The following CAPG variants were observed in gnomAD, a reference collection of about 807,000 sequenced individuals.
CAPG encodes macrophage-capping protein.
Under a neutral mutation model 44.6 loss-of-function variants are expected in CAPG, and 32 were observed. The ratio of observed to expected loss-of-function variants is 0.72; its 90% CI spans 0.54 to 0.96. The LOEUF is 0.96. Among genes scored for constraint, CAPG ranks in the 50% least tolerant of loss-of-function variants. The probability of loss-of-function intolerance (pLI) is 0.00; values close to 1 mark genes in which losing one functional copy is unlikely to be tolerated. For synonymous variants in CAPG, 175 were observed against 179.6 expected (o/e 0.97, Z 0.20); for missense variants, 412 against 438.3 (o/e 0.94, Z 0.54).
chr2:85,409,531 C>T (rs899656239), intron 1 of CAPG, among the ~76,000 whole-genome samples: 3 of 152,096 alleles, frequency 2.0e-5, no homozygotes, highest in Non-Finnish European at 2.9e-5. Flanking sequence ...GGTCTCTTCC[C>T]TTCACAGTCC....
chr2:85,414,430 ATTTT>A (rs34698883), upstream of CAPG, among the ~76,000 whole-genome samples: 6 of 129,526 alleles, frequency 4.6e-5, no homozygotes, highest in Admixed American at 7.8e-5. Context: ...CAGAACTAAG[ATTTT>A]TTTTTTTTTT....
chr2:85,401,057 TG>T, intron 5 of CAPG, 107 bp downstream of exon 5: 1 of 1,035,224 alleles, frequency 9.7e-7, no homozygotes. Flanking sequence ...TCACTTGGAA[TG>T]GGTTTACGGC....
At chr2:85,401,741 C>G (rs549982416) in intron 3 of CAPG, 44 bp downstream of exon 3, 1 of 1,612,796 alleles carries the variant, frequency 6.2e-7, no homozygotes, top group Non-Finnish European at 8.5e-7. Flanking sequence ...AGCCCCCTCC[C>G]TCCCCTTCCT....
At position 85,398,155 on chromosome 2, in the gene CAPG, G is replaced by C. The variant is rs202201532; in HGVS notation, c.760-3C>G. ...ATCTGTCCAGTGGCATCAGAGACCT[G>C]GGGAGGAGGGACAGTGCCTGATCTC... On this transcript the variant is annotated splice_polypyrimidine_tract_variant and splice_region_variant and intron_variant, in intron 7 of 9. Transcript: ENST00000263867. 4.1e-5 allele frequency: 66 copies of C among 1,612,704 alleles called. No individual in the cohort carries two copies. Among genetic ancestry groups the C allele is most frequent in the Non-Finnish European group, 5.5e-5 (65 of 1,179,684 alleles).
At chr2:85,392,172 C>T (rs540641452), downstream of CAPG, among the ~76,000 whole-genome samples, 10 of 152,274 alleles carry the variant, frequency 6.6e-5, no homozygotes, top group East Asian at 1.9e-4. Context: ...GGGTGGATCA[C>T]GAGGTCAGGA....
At chr2:85,409,208 G>A (rs774977709) in intron 1 of CAPG, among the ~76,000 whole-genome samples, 6 of 152,182 alleles carry the variant, frequency 3.9e-5, no homozygotes, top group Admixed American at 2.6e-4. Context: ...ATTAGACTGG[G>A]GTGGCACCTA....
downstream of CAPG, among the ~76,000 whole-genome samples, chr2:85,393,863 TG>T (rs1417360712): frequency 6.6e-6 from 1 of 152,184 alleles, no homozygotes; most frequent in Non-Finnish European, 1.5e-5. Flanking sequence ...CGCACCCGGC[TG>T]GGGTATCTAT....
chr2:85,401,357 G>T, intron 4 of CAPG, 28 bp from the exon 5 acceptor site: 1 of 1,608,566 alleles, frequency 6.2e-7, no homozygotes. Context: ...CATCTGAGTG[G>T]ACTGACAGGA....
At chr2:85,418,404 G>A (rs1687621812) in exon 1 of CAPG, 1 of 152,260 alleles carries the variant, frequency 6.6e-6, no homozygotes, top group Non-Finnish European at 1.5e-5. Flanking sequence ...CGAGGACGCA[G>A]GAGAGCCACA....
intron 1 of CAPG, among the ~76,000 whole-genome samples, chr2:85,409,394 G>A (rs1212404341): frequency 6.6e-6 from 1 of 152,112 alleles, no homozygotes; most frequent in African/African-American, 2.4e-5. Flanking sequence ...GGGGGACCTC[G>A]GAGAGGAGGT....
At chr2:85,415,517 TTCTATCACACCAGAAAGTTCCC>T (rs1187945772) in intron 1 of CAPG, among the ~76,000 whole-genome samples, 5 of 152,194 alleles carry the variant, frequency 3.3e-5, no homozygotes, top group Admixed American at 2.6e-4. Flanking sequence ...TATAAAACAC[TTCTATCACACCAGAAAGTTCCC>T]TCCCCACCAT....
upstream of CAPG, among the ~76,000 whole-genome samples, chr2:85,411,879 T>C (rs1324044033): frequency 6.6e-6 from 1 of 151,866 alleles, no homozygotes; most frequent in Admixed American, 6.6e-5. Flanking sequence ...CTGGCCAACA[T>C]GGTGAAACCC....
At chr2:85,392,812 G>A (rs542743986), downstream of CAPG, among the ~76,000 whole-genome samples, 230 of 152,290 alleles carry the variant, frequency 1.5e-3, 1 homozygote, top group Non-Finnish European at 2.5e-3. Context: ...GGGGAGAAAA[G>A]CTGCAGCTCG....
chr2:85,393,818 C>G (rs1009119746), downstream of CAPG, among the ~76,000 whole-genome samples: 3 of 152,342 alleles, frequency 2.0e-5, no homozygotes, highest in Admixed American at 6.5e-5. Context: ...CCCGTCTTGC[C>G]CTCCCAAAGT....
At position 85,401,637 on chromosome 2, in the gene CAPG, A is replaced by T; in HGVS notation, c.243T>A (p.Ala81=). The T allele has an allele frequency of 6.2e-7, 1 of 1,614,114 alleles. No homozygotes were observed. Among genetic ancestry groups the T allele is most frequent in the East Asian group, 2.2e-5 (1 of 44,880 alleles). Residue 81 remains alanine, a synonymous_variant, in exon 4 of 10, where the codon GCT becomes GCA. Transcript: ENST00000263867. Reference sequence around the variant, plus strand: ...CTCCCAGCAGCGTGTTGAGGTGCACAGCCAGCACGGCACAGGCCCCCTGCT... The same window carrying T: ...CTCCCAGCAGCGTGTTGAGGTGCACTGCCAGCACGGCACAGGCCCCCTGCT... ...RDEQGACAVL[A]VHLNTLLGER...
At chr2:85,415,489 C>T (rs532009530) in intron 1 of CAPG, among the ~76,000 whole-genome samples, 1 of 152,270 alleles carries the variant, frequency 6.6e-6, no homozygotes, top group South Asian at 2.1e-4. Flanking sequence ...ACCCATGTAA[C>T]CCACATCCCT....
chr2:85,405,000 GT>G (rs1468502196), intron 1 of CAPG, among the ~76,000 whole-genome samples: 1 of 150,864 alleles, frequency 6.6e-6, no homozygotes, highest in Non-Finnish European at 1.5e-5. Flanking sequence ...TCCTTAACCT[GT>G]TAAAAAGGCA....
At chr2:85,409,519 T>C (rs1687321574) in intron 1 of CAPG, among the ~76,000 whole-genome samples, 1 of 152,000 alleles carries the variant, frequency 6.6e-6, no homozygotes, top group Non-Finnish European at 1.5e-5. Context: ...TGACCCCCAA[T>C]AGGTCTCTTC....
At chr2:85,413,652 G>A (rs1417729595), upstream of CAPG, among the ~76,000 whole-genome samples, 1 of 152,206 alleles carries the variant, frequency 6.6e-6, no homozygotes, top group Non-Finnish European at 1.5e-5. Context: ...GAGCGGCTAG[G>A]AACTCAATGC....
Sources: allele counts gnomAD v4.1 joint callset (sites outside exome capture counted in the v4.1 genomes callset), GRCh38; gene constraint gnomAD v4.1.1; transcripts MANE v1.5; gene names NCBI Gene and HGNC (gene_info 2026-07-23, HGNC 2026-07-21).